Variants in NSMCE2 observed in about 807,000 individuals in gnomAD.
NSMCE2 encodes the protein E3 SUMO-protein ligase NSE2.
In NSMCE2, 24 loss-of-function variants were observed where a neutral mutation model predicts 23.8. That is an observed-to-expected ratio of 1.01 (90% CI 0.73 to 1.42). NSMCE2 has a LOEUF of 1.42. NSMCE2 is among the 40% of genes most tolerant of loss of function. NSMCE2 has a pLI of 0.00. For synonymous variants in NSMCE2, 92 were observed against 94.1 expected (o/e 0.98, Z 0.13); for missense variants, 284 against 296.5 (o/e 0.96, Z 0.31).
chr8:125,186,068 G>A (rs1823082892), intron 5 of NSMCE2, among the ~76,000 whole-genome samples: 1 of 152,150 alleles, frequency 6.6e-6, no homozygotes, highest in African/African-American at 2.4e-5. Flanking sequence ...CCTGCCTCCT[G>A]ATTTTCTATG....
At chr8:125,306,745 G>A (rs981797587) in intron 5 of NSMCE2, among the ~76,000 whole-genome samples, 39 of 152,118 alleles carry the variant, frequency 2.6e-4, no homozygotes, top group African/African-American at 9.4e-4. Flanking sequence ...TAGTGTAATG[G>A]TTAAAAGTAC....
At chr8:125,290,018 A>G (rs1009749349) in intron 5 of NSMCE2, among the ~76,000 whole-genome samples, 33 of 152,206 alleles carry the variant, frequency 2.2e-4, no homozygotes, top group African/African-American at 8.0e-4. Context: ...TTGGTCTTTG[A>G]TGTTCTGCCC....
chr8:125,345,224 T>C (rs1361988386), intron 5 of NSMCE2, among the ~76,000 whole-genome samples: 2 of 151,196 alleles, frequency 1.3e-5, no homozygotes, highest in Admixed American at 6.5e-5. Flanking sequence ...TCCACCAATG[T>C]GACCTCCGTC....
chr8:125,213,485 GTCTCCTCTCCTCTCCTCTCC>G (rs141971083), intron 5 of NSMCE2, among the ~76,000 whole-genome samples: 9,237 of 75,116 alleles, frequency 0.12, 726 homozygotes, highest in African/African-American at 0.2. Flanking sequence ...AGGCACCCAT[GTCTCCTCTCCTCTCCTCTCC>G]TCTCCTCTCC....
intron 5 of NSMCE2, among the ~76,000 whole-genome samples, chr8:125,237,038 C>A (rs969542426): frequency 1.3e-5 from 2 of 152,102 alleles, no homozygotes; most frequent in African/African-American, 4.8e-5. Flanking sequence ...TTTTAATATT[C>A]TTCTGTACCT....
At chr8:125,144,055 G>A (rs1820529752) in intron 3 of NSMCE2, among the ~76,000 whole-genome samples, 1 of 152,170 alleles carries the variant, frequency 6.6e-6, no homozygotes. Flanking sequence ...AAGAGGGGGG[G>A]AAAGTCCTTA....
intron 3 of NSMCE2, among the ~76,000 whole-genome samples, chr8:125,104,265 C>T (rs191915518): frequency 1.6e-4 from 25 of 152,338 alleles, no homozygotes; most frequent in African/African-American, 5.5e-4. Context: ...CTTGGAATTA[C>T]AGGCATGAGC....
intron 3 of NSMCE2, among the ~76,000 whole-genome samples, chr8:125,147,022 A>G (rs543926087): frequency 4.6e-5 from 7 of 152,210 alleles, no homozygotes; most frequent in Middle Eastern, 3.2e-3. Context: ...ATATACATAT[A>G]TAATCATTGT....
chr8:125,290,820 A>G (rs1271638352), intron 5 of NSMCE2, among the ~76,000 whole-genome samples: 1 of 152,234 alleles, frequency 6.6e-6, no homozygotes. Flanking sequence ...CCAAGGAAGC[A>G]TAAAGTAAAA....
At chr8:125,349,956 A>G (rs991475308) in intron 5 of NSMCE2, among the ~76,000 whole-genome samples, 1 of 152,172 alleles carries the variant, frequency 6.6e-6, no homozygotes, top group Admixed American at 6.5e-5. Flanking sequence ...GGATGTGTGT[A>G]TGTGTTTGTG....
chr8:125,273,647 C>A (rs865879541), intron 5 of NSMCE2, among the ~76,000 whole-genome samples: 4 of 152,248 alleles, frequency 2.6e-5, no homozygotes, highest in African/African-American at 9.6e-5. Context: ...TTATTTAATT[C>A]TTTATTTATA....
chr8:125,195,287 A>AT (rs923215417), intron 5 of NSMCE2, among the ~76,000 whole-genome samples: 12 of 151,088 alleles, frequency 7.9e-5, no homozygotes, highest in East Asian at 1.9e-4. Context: ...GTCCACAGGC[A>AT]TTTTTTTTTA....
chr8:125,270,164 A>T lies in NSMCE2; in HGVS notation c.419-87055A>T, dbSNP rs577013578. 3.9e-5 allele frequency among the ~76,000 whole-genome samples: 6 copies of T among 152,230 alleles called. No individual in the cohort carries two copies. The South Asian group carries it at 1.0e-3, about 26-fold the overall frequency. ...GATAGATTATGAACATCCTTATATGACTTACTAAAGAATCTGAAAGGTCCA... is the reference window on the plus strand; with the variant it reads ...GATAGATTATGAACATCCTTATATGTCTTACTAAAGAATCTGAAAGGTCCA... On this transcript the variant is annotated intron_variant, in intron 5 of 7. Transcript: ENST00000287437.
At chr8:125,147,633 G>C (rs1049333179) in intron 3 of NSMCE2, among the ~76,000 whole-genome samples, 2 of 152,098 alleles carry the variant, frequency 1.3e-5, no homozygotes, top group African/African-American at 4.8e-5. Context: ...TTCTCAAAAA[G>C]GGCTTTCAGT....
chr8:125,166,181 A>G (rs1821867298), intron 4 of NSMCE2, among the ~76,000 whole-genome samples: 2 of 152,186 alleles, frequency 1.3e-5, no homozygotes, highest in South Asian at 4.1e-4. Context: ...TAATTAATTC[A>G]TGGATTTGAA....
intron 3 of NSMCE2, among the ~76,000 whole-genome samples, chr8:125,137,583 T>C (rs553624140): frequency 6.6e-6 from 1 of 152,356 alleles, no homozygotes; most frequent in South Asian, 2.1e-4. Flanking sequence ...CTCCTTTTTT[T>C]ACTGGTGTGG....
intron 5 of NSMCE2, among the ~76,000 whole-genome samples, chr8:125,196,004 C>T (rs1823598759): frequency 6.6e-6 from 1 of 150,406 alleles, no homozygotes. Flanking sequence ...CTGCTGCCTC[C>T]CAAGTAGCTG....
chr8:125,131,242 A>T (rs1011160785), intron 3 of NSMCE2, among the ~76,000 whole-genome samples: 1 of 152,156 alleles, frequency 6.6e-6, no homozygotes, highest in African/African-American at 2.4e-5. Context: ...ACATACTGCA[A>T]TCTCTTTTTG....
intron 5 of NSMCE2, among the ~76,000 whole-genome samples, chr8:125,231,458 T>C (rs1825319650): frequency 6.6e-6 from 1 of 152,240 alleles, no homozygotes; most frequent in Non-Finnish European, 1.5e-5. Context: ...GTGATACATC[T>C]CAGAGATCAA....
Sources: gnomAD v4.1 joint callset for allele counts (sites outside exome capture counted in the v4.1 genomes callset) on GRCh38, gnomAD v4.1.1 for gene constraint, MANE v1.5 for transcripts, NCBI Gene and HGNC (gene_info 2026-07-23, HGNC 2026-07-21) for gene names.